SMOC1: variants seen among roughly 807,000 people sequenced by gnomAD.
SMOC1 encodes SPARC-related modular calcium-binding protein 1.
In SMOC1, 22 loss-of-function variants were observed where a neutral mutation model predicts 56.3. The observed-to-expected ratio is 0.39, with a 90% CI of 0.28 to 0.56. The LOEUF (loss-of-function observed/expected upper bound fraction) is 0.56. Among genes scored for constraint, SMOC1 ranks in the 20% least tolerant of loss-of-function variants. The pLI is 0.61. For missense variants in SMOC1, 509 were observed against 565.4 expected, an observed-to-expected ratio of 0.90 and a Z score of 1.01; for synonymous variants, 193 against 215.0, an observed-to-expected ratio of 0.90 and a Z score of 0.89.
intron 11 of SMOC1, 80 bp downstream of exon 11, chr14:70,023,527 G>T: frequency 6.3e-7 from 1 of 1,579,154 alleles, no homozygotes; most frequent in South Asian, 1.1e-5. Context: ...TCTGATAAAT[G>T]AGATTCCAGA....
chr14:69,939,501 AT>A (rs1284859510), intron 1 of SMOC1, among the ~76,000 whole-genome samples: 1 of 152,194 alleles, frequency 6.6e-6, no homozygotes, highest in Non-Finnish European at 1.5e-5. Context: ...TCACTAAGAC[AT>A]TTTGTCTCAC....
intron 1 of SMOC1, among the ~76,000 whole-genome samples, chr14:69,950,738 C>A (rs1252302227): frequency 1.6e-4 from 25 of 152,172 alleles, no homozygotes; most frequent in Non-Finnish European, 3.2e-4. Context: ...TGTAATAGCC[C>A]AATTATTGTT....
At chr14:69,909,817 C>T (rs746578241) in intron 1 of SMOC1, among the ~76,000 whole-genome samples, 4 of 152,116 alleles carry the variant, frequency 2.6e-5, no homozygotes, top group Non-Finnish European at 5.9e-5. Context: ...GATTCTTCGG[C>T]CAAAGATAAT....
intron 1 of SMOC1, among the ~76,000 whole-genome samples, chr14:69,880,179 G>A (rs1406909168): frequency 6.6e-6 from 1 of 151,092 alleles, no homozygotes; most frequent in African/African-American, 2.4e-5. Flanking sequence ...GGCGGCGGGG[G>A]TTGGGACGGG....
intron 8 of SMOC1, 33 bp downstream of exon 8, chr14:70,010,979 G>A (rs751506676): frequency 1.3e-5 from 21 of 1,609,438 alleles, no homozygotes; most frequent in African/African-American, 1.1e-4. Flanking sequence ...TGGGAAAAAC[G>A]CACCTGCTGG....
intron 2 of SMOC1, 127 bp downstream of exon 2, chr14:69,952,430 C>G (rs1165297899): frequency 1.8e-6 from 2 of 1,113,848 alleles, no homozygotes; most frequent in South Asian, 1.3e-5. Flanking sequence ...ATCTCTCCAC[C>G]CCTTCCACCA....
intron 3 of SMOC1, among the ~76,000 whole-genome samples, chr14:69,969,840 C>T (rs1384595080): frequency 6.6e-6 from 1 of 152,206 alleles, no homozygotes; most frequent in African/African-American, 2.4e-5. Context: ...CTTTATCCCT[C>T]ATTATTTCTA....
At chr14:70,016,970 T>C (rs1211129299) in intron 10 of SMOC1, among the ~76,000 whole-genome samples, 2 of 152,242 alleles carry the variant, frequency 1.3e-5, no homozygotes, top group Admixed American at 1.3e-4. Flanking sequence ...ATATATTATC[T>C]GTCTCCCTAA....
At position 69,908,752 on chromosome 14, in the gene SMOC1, G is replaced by T. The variant is rs190379699; in HGVS notation, c.99+28975G>T. The stretch of plus-strand genomic sequence containing the variant: ...GAGGCTGGATGAGGAGATCATTCTG[G>T]TTTATTGTGGTAACCTCCTTAGGTA... On this transcript the variant is annotated intron_variant, in intron 1 of 11. Transcript: ENST00000361956. Among the ~76,000 whole-genome samples, 3 of 152,212 alleles carry T rather than the reference G, an allele frequency of 2.0e-5. No homozygotes were observed. In the East Asian group the frequency reaches 5.8e-4, roughly 29 times the overall value.
Position 69,948,052 on chromosome 14 carries a change from G to A in SMOC1, c.100-4086G>A, listed in dbSNP as rs554254191. Among the ~76,000 whole-genome samples, 26 of 152,312 alleles carry A rather than the reference G, an allele frequency of 1.7e-4. No individual in the cohort carries two copies. In the South Asian group the frequency reaches 5.2e-3, roughly 30 times the overall value. On this transcript the variant is annotated intron_variant, in intron 1 of 11. Coordinates refer to ENST00000361956, the MANE Select transcript of SMOC1 (RefSeq NM_001034852.3). The stretch of plus-strand genomic sequence containing the variant: ...TGGTTACATGTTGCTTCCTATGCTG[G>A]TACGGTGTTGGGTTCACTGTTGGTG...
intron 5 of SMOC1, among the ~76,000 whole-genome samples, chr14:69,982,692 C>T (rs958836780): frequency 6.6e-5 from 10 of 152,240 alleles, no homozygotes; most frequent in Admixed American, 1.3e-4. Context: ...ACTTAAATCT[C>T]TTCCCGACTA....
chr14:69,983,657 G>C (rs532846518), intron 5 of SMOC1, among the ~76,000 whole-genome samples: 6 of 152,380 alleles, frequency 3.9e-5, no homozygotes, highest in Admixed American at 6.5e-5. Context: ...CCCTCTGCCA[G>C]GTTCCTGAGC....
intron 1 of SMOC1, among the ~76,000 whole-genome samples, chr14:69,892,930 A>G (rs1307610855): frequency 6.6e-6 from 1 of 152,190 alleles, no homozygotes; most frequent in East Asian, 1.9e-4. Flanking sequence ...TCAAGGTCCA[A>G]ATAAGGTCCA....
intron 10 of SMOC1, among the ~76,000 whole-genome samples, chr14:70,015,853 C>T (rs1885490812): frequency 6.6e-6 from 1 of 151,994 alleles, no homozygotes; most frequent in Non-Finnish European, 1.5e-5. Flanking sequence ...GAAAAAAATA[C>T]CTGTTGTTTC....
At chr14:69,925,507 T>C (rs1186298413) in intron 1 of SMOC1, among the ~76,000 whole-genome samples, 5 of 152,118 alleles carry the variant, frequency 3.3e-5, no homozygotes, top group Non-Finnish European at 1.5e-5. Flanking sequence ...TCACCCCATT[T>C]TATTTTCTTC....
intron 1 of SMOC1, among the ~76,000 whole-genome samples, chr14:69,916,462 A>C (rs919960299): frequency 1.2e-4 from 19 of 152,040 alleles, no homozygotes; most frequent in Admixed American, 9.2e-4. Context: ...TGTAGATCAG[A>C]TCATTCACTC....
At chr14:70,010,682 T>A (rs1448317602) in intron 7 of SMOC1, 72 bp from the exon 8 acceptor site, 1 of 1,537,180 alleles carries the variant, frequency 6.5e-7, no homozygotes, top group Non-Finnish European at 9.0e-7. Flanking sequence ...TTACTTTGGA[T>A]GCTGGGCACA....
chr14:69,973,288 G>A (rs1052195176), intron 3 of SMOC1, among the ~76,000 whole-genome samples: 1 of 152,162 alleles, frequency 6.6e-6, no homozygotes, highest in African/African-American at 2.4e-5. Context: ...TCTCACCACC[G>A]CCACTCCATA....
At position 69,906,837 on chromosome 14, in the gene SMOC1, A is replaced by C. The variant is rs375273440; in HGVS notation, c.99+27060A>C. ...AAGGCCAAAGATTGCCATGAAAGAG[A>C]GGAATGGAAATGGAGTGTGGGCCAC... On this transcript the variant is annotated intron_variant, in intron 1 of 11. Transcript: ENST00000361956. Among the ~76,000 whole-genome samples the C allele has an allele frequency of 7.7e-4, 117 of 152,312 alleles. 2 individuals carry two copies. In the South Asian group the frequency reaches 0.023, roughly 29 times the overall value.
Sources: gnomAD v4.1 joint callset for allele counts (sites outside exome capture counted in the v4.1 genomes callset) on GRCh38, gnomAD v4.1.1 for gene constraint, MANE v1.5 for transcripts, NCBI Gene and HGNC (gene_info 2026-07-23, HGNC 2026-07-21) for gene names.